The following MARCHF3 variants were observed in gnomAD, a reference collection of about 807,000 sequenced individuals.
MARCHF3 encodes the protein membrane associated ring-CH-type finger 3, also known as E3 ubiquitin-protein ligase MARCHF3.
A neutral mutation model predicts 24.2 loss-of-function variants in MARCHF3; 13 were observed. That is an observed-to-expected ratio of 0.54 (90% confidence interval 0.35 to 0.85). The LOEUF (loss-of-function observed/expected upper bound fraction) is 0.85, where lower values mean the gene tolerates loss of function less well. MARCHF3 is among the 40% of genes least tolerant of loss of function. The probability of loss-of-function intolerance (pLI) is 0.01; values close to 1 mark genes in which losing one functional copy is unlikely to be tolerated. For synonymous variants in MARCHF3, 144 were observed against 137.3 expected (o/e 1.05, Z -0.34); for missense variants, 276 against 325.0 (o/e 0.85, Z 1.16).
chr5:126,878,017 C>CAA (rs576956871), intron 4 of MARCHF3, among the ~76,000 whole-genome samples, 168 bp downstream of exon 4: 100 of 152,202 alleles, frequency 6.6e-4, no homozygotes, highest in African/African-American at 2.4e-3. Flanking sequence ...CAGACAAACA[C>CAA]ACACACACAC....
intron 1 of MARCHF3, among the ~76,000 whole-genome samples, chr5:126,980,191 C>G (rs1023589568): frequency 2.6e-5 from 4 of 152,024 alleles, no homozygotes; most frequent in Non-Finnish European, 5.9e-5. Context: ...CTAGTAGATC[C>G]TGGAAGTGAC....
At chr5:126,924,036 A>G (rs1474292737) in intron 1 of MARCHF3, among the ~76,000 whole-genome samples, 1 of 152,108 alleles carries the variant, frequency 6.6e-6, no homozygotes, top group East Asian at 1.9e-4. Context: ...ACATTTCCCA[A>G]GGAAATGTGG....
intron 3 of MARCHF3, among the ~76,000 whole-genome samples, chr5:126,890,064 C>T (rs532264351): frequency 6.6e-6 from 1 of 152,238 alleles, no homozygotes; most frequent in South Asian, 2.1e-4. Context: ...TTAACCACTC[C>T]CCTGGACTTT....
At chr5:126,900,188 C>A (rs1754057718) in intron 3 of MARCHF3, among the ~76,000 whole-genome samples, 1 of 152,040 alleles carries the variant, frequency 6.6e-6, no homozygotes, top group African/African-American at 2.4e-5. Context: ...CTTGGAAAGG[C>A]TTATCGGCAA....
chr5:126,995,933 G>A (rs1465662844), intron 1 of MARCHF3, among the ~76,000 whole-genome samples: 1 of 152,240 alleles, frequency 6.6e-6, no homozygotes, highest in Non-Finnish European at 1.5e-5. Context: ...GTAAGAGGGA[G>A]AGGAAATTGG....
chr5:126,960,417 G>A (rs948566098), intron 1 of MARCHF3, among the ~76,000 whole-genome samples: 4 of 152,038 alleles, frequency 2.6e-5, no homozygotes, highest in Non-Finnish European at 2.9e-5. Flanking sequence ...CAAAATTGTC[G>A]CAATTTGAAA....
At chr5:126,952,405 T>C (rs1030988956) in intron 1 of MARCHF3, among the ~76,000 whole-genome samples, 3 of 152,214 alleles carry the variant, frequency 2.0e-5, no homozygotes, top group African/African-American at 7.2e-5. Context: ...GTGGTATAAA[T>C]GGAGGCTTAA....
chr5:126,885,930 G>T (rs1022467674), intron 3 of MARCHF3, among the ~76,000 whole-genome samples: 2 of 151,542 alleles, frequency 1.3e-5, no homozygotes, highest in Admixed American at 1.3e-4. Context: ...TCATGAAGTC[G>T]TATGAGAAAC....
At chr5:126,992,707 G>C (rs549227344) in intron 1 of MARCHF3, among the ~76,000 whole-genome samples, 42 of 151,852 alleles carry the variant, frequency 2.8e-4, no homozygotes, top group Non-Finnish European at 5.3e-4. Flanking sequence ...GATTACAAAG[G>C]GACATCAGAA....
rs555016992 is a variant in MARCHF3 at position 126,938,566 on chromosome 5, T to A, written c.-56-20339A>T. ...GCAAAAAAAGCAAAAAAAAAAAAAA[T>A]TTTACAAAAAAACCCTTAGAGCCAA... On this transcript the variant is annotated intron_variant, in intron 1 of 4. Transcript: ENST00000308660. 1.8e-4 allele frequency among the ~76,000 whole-genome samples: 27 copies of A among 150,394 alleles called. No individual in the cohort carries two copies. The East Asian group carries it at 4.7e-3, about 26-fold the overall frequency.
At position 126,959,555 on chromosome 5, in the gene MARCHF3, G is replaced by A. The variant is rs76751185; in HGVS notation, c.-56-41328C>T. On this transcript the variant is annotated intron_variant, in intron 1 of 4. Coordinates refer to ENST00000308660, the MANE Select transcript of MARCHF3 (RefSeq NM_178450.5). ...ATCTAAGTAAATATGAATGATGTAT[G>A]GACTTTAGCTAATATCATAATAATG... Among the ~76,000 whole-genome samples, 1,476 of 152,208 alleles carry A rather than the reference G, an allele frequency of 9.7e-3. 16 individuals carry two copies. The highest frequency in any genetic ancestry group is 0.034 in the African/African-American group (1,408 of 41,540).
intron 1 of MARCHF3, among the ~76,000 whole-genome samples, chr5:126,955,404 G>A (rs925302278): frequency 1.3e-5 from 2 of 152,206 alleles, no homozygotes; most frequent in African/African-American, 4.8e-5. Flanking sequence ...ATTTTAGCAG[G>A]TATTGCCAAC....
At chr5:126,933,875 G>C (rs1016263285) in intron 1 of MARCHF3, among the ~76,000 whole-genome samples, 1 of 152,078 alleles carries the variant, frequency 6.6e-6, no homozygotes, top group African/African-American at 2.4e-5. Context: ...GGAGGTTTTT[G>C]GATATTTTCA....
At chr5:126,924,689 T>C (rs187090654) in intron 1 of MARCHF3, among the ~76,000 whole-genome samples, 44 of 152,238 alleles carry the variant, frequency 2.9e-4, no homozygotes, top group African/African-American at 9.6e-4. Flanking sequence ...TCAAAACCAT[T>C]AACATGGAAA....
At chr5:127,017,626 T>G (rs1366180681) in intron 1 of MARCHF3, among the ~76,000 whole-genome samples, 1 of 152,176 alleles carries the variant, frequency 6.6e-6, no homozygotes, top group Non-Finnish European at 1.5e-5. Flanking sequence ...TCATGTAACT[T>G]ATTGCATACT....
chr5:127,013,878 C>T (rs2126858947), intron 1 of MARCHF3, among the ~76,000 whole-genome samples: 1 of 152,220 alleles, frequency 6.6e-6, no homozygotes, highest in Non-Finnish European at 1.5e-5. Flanking sequence ...GATCCTACCT[C>T]TGCCCCTATA....
intron 1 of MARCHF3, among the ~76,000 whole-genome samples, chr5:126,955,303 G>T (rs1750403592): frequency 6.6e-6 from 1 of 152,208 alleles, no homozygotes; most frequent in African/African-American, 2.4e-5. Flanking sequence ...AAATGCTTCA[G>T]TGAACATCCT....
chr5:126,983,133 A>T (rs538817458), intron 1 of MARCHF3, among the ~76,000 whole-genome samples: 1 of 152,348 alleles, frequency 6.6e-6, no homozygotes, highest in Admixed American at 6.5e-5. Context: ...AGCTGGCTTA[A>T]CCATGCAGAG....
At chr5:126,962,240 C>CTA (rs1421330717) in intron 1 of MARCHF3, among the ~76,000 whole-genome samples, 3 of 151,880 alleles carry the variant, frequency 2.0e-5, no homozygotes, top group Admixed American at 1.3e-4. Flanking sequence ...ATATCTCTCT[C>CTA]TCTATATATA....
Sources: allele counts gnomAD v4.1 joint callset (sites outside exome capture counted in the v4.1 genomes callset), GRCh38; gene constraint gnomAD v4.1.1; transcripts MANE v1.5; gene names NCBI Gene and HGNC (gene_info 2026-07-23, HGNC 2026-07-21).